Variants in PCDH11Y observed in about 807,000 individuals in gnomAD.
PCDH11Y encodes protocadherin-11 Y-linked.
For missense variants in PCDH11Y, 12 were observed against 224.8 expected (o/e 0.05, Z 6.05); for synonymous variants, 9 against 83.6 (o/e 0.11, Z 4.87).
chrY:5,182,239 G>C (rs1602881686), intron 2 of PCDH11Y, among the ~76,000 whole-genome samples: 1 of 32,958 alleles, frequency 3.0e-5, no homozygotes, highest in Non-Finnish European at 7.4e-5. Flanking sequence ...TCCCATACCT[G>C]AAAGTATCAC....
intron 2 of PCDH11Y, among the ~76,000 whole-genome samples, chrY:5,333,819 G>C (rs2053133605): frequency 3.1e-5 from 1 of 32,172 alleles, no homozygotes; most frequent in East Asian, 8.1e-4. Flanking sequence ...TTGAGTCCAG[G>C]AGACGGAGGT....
At chrY:5,219,771 T>A in intron 2 of PCDH11Y, among the ~76,000 whole-genome samples, 1 of 33,246 alleles carries the variant, frequency 3.0e-5, no homozygotes, top group Non-Finnish European at 7.4e-5. Context: ...TGCCTATTCT[T>A]TTGGTGTCAC....
intron 2 of PCDH11Y, among the ~76,000 whole-genome samples, chrY:5,192,168 C>T: frequency 3.3e-5 from 1 of 30,688 alleles, no homozygotes; most frequent in African/African-American, 1.3e-4. Context: ...CATCCTGAAA[C>T]CATTATCCAC....
In PCDH11Y at chrY:5,474,941, T is replaced by C. The variant is rs2124685046; in HGVS notation, c.3130-26116T>C. 1.2e-4 allele frequency among the ~76,000 whole-genome samples: 4 copies of C among 33,049 alleles called. No individual in the cohort carries two copies. The East Asian group carries it at 3.1e-3, about 26-fold the overall frequency. The allele number at this position is 33,049 out of a possible 37,273, so 88.7% of individuals were successfully genotyped here. On this transcript the variant is annotated intron_variant, in intron 2 of 4. Coordinates refer to the PCDH11Y transcript ENST00000400457. ...GTTTTGATACTATTGTAAACAGAAA[T>C]GTTTTCCTAATTTTATTTTCATATT...
chrY:5,249,947 A>G (rs2053002254), intron 2 of PCDH11Y, among the ~76,000 whole-genome samples: 13 of 28,988 alleles, frequency 4.5e-4, no homozygotes, highest in Non-Finnish European at 3.3e-4. Flanking sequence ...CAACCCCATC[A>G]AAAAGTGGAC....
In PCDH11Y at chrY:5,212,202, G is replaced by A. The variant is rs563312899; in HGVS notation, c.3129+111495G>A. On this transcript the variant is annotated intron_variant, in intron 2 of 4. Transcript: ENST00000400457. ...TGGAAAAATGCTTCATACATAATTT[G>A]CCTATAATAAATATTAGGAATTTTA... is the stretch of plus-strand genomic sequence containing the variant. 2.8e-3 allele frequency among the ~76,000 whole-genome samples: 91 copies of A among 32,265 alleles called. No homozygotes were observed. The Middle Eastern group carries it at 0.05, about 18-fold the overall frequency. 86.6% of individuals were successfully genotyped at this position (32,265 alleles called of 37,273 possible).
chrY:5,186,558 C>T (rs2052906324), intron 2 of PCDH11Y, among the ~76,000 whole-genome samples: 44 of 32,195 alleles, frequency 1.4e-3, no homozygotes, highest in African/African-American at 5.4e-3. Context: ...GGGGAAAAGC[C>T]CTTATAAAAC....
At chrY:5,053,863 A>C, upstream of PCDH11Y, among the ~76,000 whole-genome samples, 2 of 29,460 alleles carry the variant, frequency 6.8e-5, no homozygotes, top group African/African-American at 2.7e-4. Context: ...GGAATTGAAC[A>C]ATGAGAACAC....
chrY:5,603,928 G>GA, intron 4 of PCDH11Y, among the ~76,000 whole-genome samples: 1 of 26,030 alleles, frequency 3.8e-5, no homozygotes, highest in Admixed American at 3.7e-4. Flanking sequence ...AGAAAGAAAA[G>GA]AAAGAAAGAA....
At chrY:5,677,442 G>T in intron 4 of PCDH11Y, among the ~76,000 whole-genome samples, 1 of 31,661 alleles carries the variant, frequency 3.2e-5, no homozygotes. Context: ...TCTTGACATT[G>T]TTCTTCCATC....
intron 3 of PCDH11Y, among the ~76,000 whole-genome samples, chrY:5,565,942 G>A (rs988046728): frequency 4.6e-4 from 8 of 17,576 alleles, no homozygotes; most frequent in Non-Finnish European, 7.6e-4. Context: ...GTGTGTGTGT[G>A]TATATATATA....
At chrY:5,262,332 A>G (rs1602895546) in intron 2 of PCDH11Y, among the ~76,000 whole-genome samples, 1 of 29,504 alleles carries the variant, frequency 3.4e-5, no homozygotes, top group East Asian at 9.1e-4. Context: ...TTTGATTTGT[A>G]TTTCTCTAAT....
chrY:5,677,052 A>G, intron 4 of PCDH11Y, among the ~76,000 whole-genome samples: 1 of 31,904 alleles, frequency 3.1e-5, no homozygotes, highest in Admixed American at 3.0e-4. Context: ...TGAATAATTT[A>G]TAAAGGGAAG....
intron 2 of PCDH11Y, among the ~76,000 whole-genome samples, chrY:5,178,616 T>C (rs2052896331): frequency 3.0e-5 from 1 of 32,936 alleles, no homozygotes; most frequent in Non-Finnish European, 7.5e-5. Flanking sequence ...CATGTATTTT[T>C]TTTTTCTTCA....
chrY:5,549,082 A>C, intron 3 of PCDH11Y, among the ~76,000 whole-genome samples: 2 of 30,997 alleles, frequency 6.5e-5, no homozygotes, highest in Admixed American at 6.1e-4. Context: ...ACCAACATTG[A>C]ATGTAAATTG....
chrY:5,700,081 G>T, intron 4 of PCDH11Y, among the ~76,000 whole-genome samples: 3 of 32,324 alleles, frequency 9.3e-5, no homozygotes, highest in Non-Finnish European at 2.3e-4. Flanking sequence ...CACTCACTGA[G>T]TTCATTTTTC....
At chrY:5,667,528 G>A in intron 4 of PCDH11Y, among the ~76,000 whole-genome samples, 1 of 31,604 alleles carries the variant, frequency 3.2e-5, no homozygotes, top group Non-Finnish European at 7.6e-5. Flanking sequence ...CTGAGTAGCT[G>A]GGACTTCCGG....
intron 4 of PCDH11Y, among the ~76,000 whole-genome samples, chrY:5,727,486 T>C: frequency 3.1e-5 from 1 of 32,540 alleles, no homozygotes; most frequent in Non-Finnish European, 7.6e-5. Flanking sequence ...CTAAGTGTCT[T>C]AGAAAACCTT....
chrY:5,544,854 C>T, intron 3 of PCDH11Y, among the ~76,000 whole-genome samples: 2 of 30,180 alleles, frequency 6.6e-5, no homozygotes, highest in African/African-American at 1.3e-4. Context: ...GCAAGAATTT[C>T]GGAAGCTACA....
Sources: gnomAD v4.1 joint callset for allele counts (sites outside exome capture counted in the v4.1 genomes callset) on GRCh38, gnomAD v4.1.1 for gene constraint, MANE v1.5 for transcripts, NCBI Gene and HGNC (gene_info 2026-07-23, HGNC 2026-07-21) for gene names.